The following BRWD1 variants were observed in gnomAD, a reference collection of about 807,000 sequenced individuals.
BRWD1 encodes the protein bromodomain and WD repeat domain containing 1, also known as bromodomain and WD repeat-containing protein 1.
In BRWD1, 82 loss-of-function variants were observed where a neutral mutation model predicts 251.2. That is an observed-to-expected ratio of 0.33 (90% CI 0.27 to 0.39). BRWD1 has a LOEUF of 0.39. Among genes scored for constraint, BRWD1 ranks in the 10% least tolerant of loss-of-function variants. The probability of loss-of-function intolerance (pLI) is 1.00; values close to 1 mark genes in which losing one functional copy is unlikely to be tolerated. For missense variants in BRWD1, 2,233 were observed against 2,711.6 expected (o/e 0.82, Z 3.92); for synonymous variants, 918 against 902.8 (o/e 1.02, Z -0.30).
At chr21:39,301,129 A>C (rs1193874693) in intron 4 of BRWD1, among the ~76,000 whole-genome samples, 1 of 151,496 alleles carries the variant, frequency 6.6e-6, no homozygotes, top group Non-Finnish European at 1.5e-5. Flanking sequence ...CAGTGAGCCA[A>C]GATGGCGCCA....
At chr21:39,198,573 A>AT (rs2031939101) in intron 40 of BRWD1, among the ~76,000 whole-genome samples, 190 bp downstream of exon 40, 1 of 152,170 alleles carries the variant, frequency 6.6e-6, no homozygotes, top group Non-Finnish European at 1.5e-5. Flanking sequence ...TACTCAATAA[A>AT]AAGTTACGCA....
chr21:39,247,775 G>T lies in BRWD1; in HGVS notation c.2407C>A (p.Pro803Thr), dbSNP rs1288137681. 6.2e-7 allele frequency: 1 copy of T among 1,613,276 alleles called. No individual in the cohort carries two copies. The highest frequency in any genetic ancestry group is 2.2e-5 in the East Asian group (1 of 44,784). ...CTACGATTTCTTCTACCATAATTTG[G>T]ATATTTACGCCTACATGTCCTTTGT... is the stretch of plus-strand genomic sequence containing the variant. ...SRQRTCRRKY[P>T]NYGRRNRSWR... Residue 803 changes from proline (P) to threonine (T), a missense_variant, in exon 21 of 41, where the codon CCA becomes ACA. By Grantham distance (38) the Pro-to-Thr change is conservative (BLOSUM62 -1). Coordinates refer to ENST00000342449, the MANE Select transcript of BRWD1 (RefSeq NM_033656.4).
chr21:39,313,882 G>A (rs899073631), upstream of BRWD1: 1 of 326,478 alleles, frequency 3.1e-6, no homozygotes, highest in East Asian at 1.1e-4. Flanking sequence ...CGCGCAATGA[G>A]GCGGCTGCCC....
chr21:39,313,809 G>A (rs1204478976), upstream of BRWD1: 3 of 367,886 alleles, frequency 8.2e-6, no homozygotes, highest in African/African-American at 2.2e-5. Context: ...GTGACGCGGA[G>A]GCAAAGACCT....
intron 4 of BRWD1, among the ~76,000 whole-genome samples, chr21:39,309,515 AAACT>A (rs2036398153): frequency 6.6e-6 from 1 of 152,112 alleles, no homozygotes; most frequent in Non-Finnish European, 1.5e-5. Flanking sequence ...AGACCAAATC[AAACT>A]AATTGTAAAA....
At chr21:39,185,322 A>AAAAAAAAAAAC (rs2031168417), downstream of BRWD1, 1 of 128,098 alleles carries the variant, frequency 7.8e-6, no homozygotes, top group Non-Finnish European at 1.7e-5. Flanking sequence ...AAAAAAAAAA[A>AAAAAAAAAAAC]CTTTGCATAA....
In BRWD1 at chr21:39,192,148, C is replaced by G. The variant is rs2031585532; in HGVS notation, c.*4111G>C. Reference sequence around the variant, plus strand: ...GGCAGATTATGAAAAAGGTAAAAATCTCTTACTTTTGAGAATCCCCATGTA... The same window carrying G: ...GGCAGATTATGAAAAAGGTAAAAATGTCTTACTTTTGAGAATCCCCATGTA... On this transcript the variant is annotated 3_prime_UTR_variant, in exon 41 of 41. Transcript: ENST00000342449. 2.0e-6 allele frequency: 2 copies of G among 985,002 alleles called. No individual in the cohort carries two copies. The highest frequency in any genetic ancestry group is 3.5e-5 in the African/African-American group (2 of 57,224). 61.0% of individuals were successfully genotyped at this position (985,002 alleles called of 1,614,324 possible).
intron 20 of BRWD1, among the ~76,000 whole-genome samples, chr21:39,250,198 G>T (rs2034349280): frequency 6.6e-6 from 1 of 152,002 alleles, no homozygotes; most frequent in African/African-American, 2.4e-5. Context: ...AGGAACTAAG[G>T]CCCATTCTTG....
chr21:39,231,106 A>T (rs2033598309), intron 25 of BRWD1, among the ~76,000 whole-genome samples: 1 of 152,208 alleles, frequency 6.6e-6, no homozygotes, highest in African/African-American at 2.4e-5. Context: ...TATAAGTGTT[A>T]AAAACAGCTA....
intron 13 of BRWD1, among the ~76,000 whole-genome samples, chr21:39,271,121 C>T (rs11910232): frequency 0.47 from 71,121 of 151,466 alleles, 16,774 homozygotes; most frequent in Admixed American, 0.53. Context: ...GGTGAAACCC[C>T]GTCTCTACTA....
chr21:39,269,930 T>G lies in BRWD1; in HGVS notation c.1499A>C (p.Lys500Thr), dbSNP rs2035046546. 1.3e-6 allele frequency: 2 copies of G among 1,555,886 alleles called. No homozygotes were observed. The highest frequency in any genetic ancestry group is 2.3e-5 in the East Asian group (1 of 42,682). The change falls in exon 15 of 41, where the codon AAA (lysine) becomes ACA (threonine). Residue 500 changes from lysine to threonine, a missense_variant. Around this residue, in one of 12 missense-constraint regions of BRWD1, gnomAD observed 315 missense variants for 421.8 expected, o/e 0.75. Transcript: ENST00000342449. ...DGSIFIWDIT[K>T]GTKMKHYFNM... ...AAAATAATGTTTCATCTTGGTACCT[T>G]TTGTAATATCCCATATAAATATGCT...
rs61739948 is a variant in BRWD1 at position 39,264,963 on chromosome 21, C to G, written c.1587G>C (p.Gln529His). 6.2e-7 allele frequency: 1 copy of G among 1,613,856 alleles called. No individual in the cohort carries two copies. Among genetic ancestry groups the G allele is most frequent in the Non-Finnish European group, 8.5e-7 (1 of 1,179,802 alleles). Residue 529 changes from glutamine to histidine, a missense_variant, in exon 16 of 41, where the codon CAG becomes CAC. Around this residue, in one of 12 missense-constraint regions of BRWD1, gnomAD observed 315 missense variants for 421.8 expected, o/e 0.75. Transcript: ENST00000342449. ...VFDCKFSQDG[Q>H]HFACTDSHGH... Reference sequence around the variant, plus strand: ...CATGAGAATCTGTACAGGCAAAATGCTGTCCATCCTGTGAAAACTTACAGT... The same window carrying G: ...CATGAGAATCTGTACAGGCAAAATGGTGTCCATCCTGTGAAAACTTACAGT...
At chr21:39,207,923 C>T (rs1568867187) in intron 36 of BRWD1, among the ~76,000 whole-genome samples, 1 of 152,142 alleles carries the variant, frequency 6.6e-6, no homozygotes, top group Non-Finnish European at 1.5e-5. Context: ...ATGGTAAGAT[C>T]TCAATTTTTA....
upstream of BRWD1, among the ~76,000 whole-genome samples, chr21:39,317,875 C>A (rs934741182): frequency 5.8e-4 from 88 of 152,104 alleles, 1 homozygote; most frequent in African/African-American, 2.0e-3. Flanking sequence ...ATAGTGAGAC[C>A]CTCTCTCTAC....
In BRWD1 at chr21:39,187,637, A is replaced by C. The variant is rs1300240236; in HGVS notation, c.*8622T>G. The C allele has an allele frequency of 9.1e-6, 9 of 985,268 alleles. No homozygotes were observed. The highest frequency in any genetic ancestry group is 1.7e-5 in the African/African-American group (1 of 57,246). The allele number at this position is 985,268 out of a possible 1,614,324, so 61.0% of individuals were successfully genotyped here. A position where few individuals can be genotyped will look rare whatever the true frequency, so the allele number is the denominator to read the frequency against. ...TAAGGATGTCACTTAAAACAGTAGC[A>C]GACTTGTAAGAATGGGGTGAAAAGT... On this transcript the variant is annotated 3_prime_UTR_variant, in exon 41 of 41. Transcript: ENST00000342449.
chr21:39,303,728 T>C lies in BRWD1; in HGVS notation c.199-5146A>G, dbSNP rs548207649. On this transcript the variant is annotated intron_variant, in intron 4 of 40. Transcript: ENST00000342449. Reference sequence around the variant, plus strand: ...GTTCCAGCTACTCAGGAGACTAAGGTTGGAAGACGGCTTGAGCCCAGGAGG... The same window carrying C: ...GTTCCAGCTACTCAGGAGACTAAGGCTGGAAGACGGCTTGAGCCCAGGAGG... Among the ~76,000 whole-genome samples, 4 of 147,820 alleles carry C rather than the reference T, an allele frequency of 2.7e-5. 1 individual carries two copies. Among genetic ancestry groups the C allele is most frequent in the East Asian group, 2.0e-4 (1 of 4,920 alleles).
chr21:39,257,825 A>C (rs1471688120), intron 18 of BRWD1, among the ~76,000 whole-genome samples: 3 of 152,198 alleles, frequency 2.0e-5, no homozygotes, highest in African/African-American at 7.2e-5. Flanking sequence ...TACACAAAAA[A>C]AAGCAAAAGC....
At chr21:39,258,737 G>T in intron 17 of BRWD1, 65 bp from the exon 18 acceptor site, 2 of 1,185,810 alleles carry the variant, frequency 1.7e-6, no homozygotes, top group South Asian at 2.1e-5. Context: ...ATTTCGTTAG[G>T]GTACAAATTA....
intron 22 of BRWD1, 68 bp from the exon 23 acceptor site, chr21:39,236,852 T>C: frequency 7.2e-7 from 1 of 1,387,102 alleles, no homozygotes; most frequent in Non-Finnish European, 1.0e-6. Context: ...GTCAATCATA[T>C]AAAATTGAGG....
Sources: gnomAD v4.1 joint callset for allele counts (sites outside exome capture counted in the v4.1 genomes callset) on GRCh38, gnomAD v4.1.1 for gene constraint, gnomAD v4.1.1 regional missense constraint, MANE v1.5 for transcripts, NCBI Gene and HGNC (gene_info 2026-07-23, HGNC 2026-07-21) for gene names.